The following SCYL2 variants were observed in gnomAD, a reference collection of about 807,000 sequenced individuals.
The protein encoded by SCYL2 is SCY1-like protein 2.
SCYL2 carries 36 observed loss-of-function variants against 100.4 expected under a neutral mutation model. The ratio of observed to expected loss-of-function variants is 0.36; its 90% CI spans 0.27 to 0.47. The LOEUF is 0.47. Among genes scored for constraint, SCYL2 ranks in the 20% least tolerant of loss-of-function variants. The pLI is 1.00. For missense variants in SCYL2, 902 were observed against 1,083.9 expected, an observed-to-expected ratio of 0.83 and a Z score of 2.36; for synonymous variants, 330 against 359.2, an observed-to-expected ratio of 0.92 and a Z score of 0.92.
rs1423916903 is a variant in SCYL2 at position 100,340,788 on chromosome 12, T to C, written c.*1616T>C. On this transcript the variant is annotated 3_prime_UTR_variant, in exon 18 of 18. Transcript: ENST00000360820. ...AGGACTAACAGAATTGCTAAAGAAA[T>C]GCATCCAATAAATGAAAAACAGTAG... The C allele has an allele frequency of 2.0e-5, 3 of 152,076 alleles. No individual in the cohort carries two copies. Among genetic ancestry groups the C allele is most frequent in the Admixed American group, 6.5e-5 (1 of 15,270 alleles). The allele number at this position is 152,076 out of a possible 1,614,324, so 9.4% of individuals were successfully genotyped here.
chr12:100,298,640 C>T (rs1451251896), intron 4 of SCYL2, among the ~76,000 whole-genome samples: 1 of 152,176 alleles, frequency 6.6e-6, no homozygotes. Context: ...ACCTCCACCT[C>T]CCTGCAACCT....
chr12:100,298,002 A>G (rs746487384), intron 3 of SCYL2, 29 bp from the exon 4 acceptor site: 4 of 1,554,090 alleles, frequency 2.6e-6, no homozygotes, highest in Non-Finnish European at 3.5e-6. Context: ...ATAATATGAT[A>G]GTAAATAACT....
rs199548769 is a variant in SCYL2 at position 100,326,626 on chromosome 12, G to A, written c.1514G>A (p.Arg505His). 3.9e-5 allele frequency: 62 copies of A among 1,589,030 alleles called. No individual in the cohort carries two copies. Among genetic ancestry groups the A allele is most frequent in the Middle Eastern group, 2.1e-4 (1 of 4,764 alleles). Residue 505 changes from arginine to histidine, a missense_variant, in exon 12 of 18, where the codon CGT becomes CAT. Arg to His is a conservative substitution (Grantham distance 29, BLOSUM62 0). Coordinates refer to ENST00000360820, the MANE Select transcript of SCYL2 (RefSeq NM_017988.6). Reference sequence around the variant, plus strand: ...GCAATTTACCTCTTTTAATAGGTTCGTGTAAATTCATTAGTGTGCTTAGGA... The same window carrying A: ...GCAATTTACCTCTTTTAATAGGTTCATGTAAATTCATTAGTGTGCTTAGGA... ...ACLQTSSLAVRVNSLVCLGKI... is the reference protein window; with the variant it reads ...ACLQTSSLAVHVNSLVCLGKI...
chr12:100,337,610 T>G (rs755945339), intron 17 of SCYL2, 104 bp downstream of exon 17: 25 of 1,079,436 alleles, frequency 2.3e-5, no homozygotes, highest in Non-Finnish European at 3.2e-5. Context: ...ATATCTCAAA[T>G]AATACCTTAA....
chr12:100,337,646 A>G, intron 17 of SCYL2, 140 bp downstream of exon 17: 2 of 835,148 alleles, frequency 2.4e-6, no homozygotes, highest in Non-Finnish European at 3.7e-6. Flanking sequence ...AAGTATGGGC[A>G]TAAATGATTT....
chr12:100,299,561 G>T (rs1012065417), intron 4 of SCYL2, among the ~76,000 whole-genome samples: 3 of 152,048 alleles, frequency 2.0e-5, no homozygotes, highest in African/African-American at 7.3e-5. Context: ...TCACTGACCT[G>T]CTTTCTATCA....
At chr12:100,290,668 A>G (rs2096309557) in intron 2 of SCYL2, among the ~76,000 whole-genome samples, 2 of 152,226 alleles carry the variant, frequency 1.3e-5, no homozygotes, top group Admixed American at 1.3e-4. Context: ...TCAAAGACAT[A>G]GAAATTCTGA....
intron 1 of SCYL2, among the ~76,000 whole-genome samples, chr12:100,277,298 C>G (rs1024454660): frequency 6.6e-6 from 1 of 152,192 alleles, no homozygotes; most frequent in African/African-American, 2.4e-5. Context: ...GTTGAAGTCT[C>G]TGTCCTTACT....
At chr12:100,290,579 GA>G (rs1286175546) in intron 2 of SCYL2, among the ~76,000 whole-genome samples, 4 of 151,972 alleles carry the variant, frequency 2.6e-5, no homozygotes, top group Admixed American at 2.0e-4. Context: ...AATTAGAAGA[GA>G]AAAAAATGAG....
At chr12:100,310,441 A>G (rs887211705) in intron 4 of SCYL2, among the ~76,000 whole-genome samples, 10 of 152,192 alleles carry the variant, frequency 6.6e-5, no homozygotes, top group African/African-American at 2.4e-4. Context: ...CTTCTTTGGA[A>G]TGTATGTTCA....
At chr12:100,301,272 T>G (rs1000810377) in intron 4 of SCYL2, among the ~76,000 whole-genome samples, 1 of 152,242 alleles carries the variant, frequency 6.6e-6, no homozygotes, top group Non-Finnish European at 1.5e-5. Flanking sequence ...CCTTTTCTTA[T>G]GCCTGTTTGC....
chr12:100,294,064 G>GC (rs2096313917), intron 3 of SCYL2, among the ~76,000 whole-genome samples: 1 of 148,844 alleles, frequency 6.7e-6, no homozygotes, highest in African/African-American at 2.5e-5. Flanking sequence ...AGACGGGGTG[G>GC]TGGCCGGGCA....
chr12:100,310,817 A>T (rs1207109749), intron 4 of SCYL2, among the ~76,000 whole-genome samples: 2 of 152,198 alleles, frequency 1.3e-5, no homozygotes, highest in Admixed American at 6.5e-5. Context: ...AACTTAATAA[A>T]TAGGTGTACT....
At chr12:100,273,268 A>G (rs1463442727) in intron 1 of SCYL2, among the ~76,000 whole-genome samples, 2 of 152,038 alleles carry the variant, frequency 1.3e-5, no homozygotes, top group Non-Finnish European at 2.9e-5. Context: ...TTTTACTCCT[A>G]CAATTCTCCT....
chr12:100,331,887 A>G (rs978531194), intron 13 of SCYL2, among the ~76,000 whole-genome samples: 1 of 152,180 alleles, frequency 6.6e-6, no homozygotes, highest in African/African-American at 2.4e-5. Context: ...TCAGCATTTG[A>G]ATAAAAAACA....
intron 1 of SCYL2, among the ~76,000 whole-genome samples, chr12:100,273,775 C>T (rs912420314): frequency 6.6e-6 from 1 of 152,154 alleles, no homozygotes; most frequent in African/African-American, 2.4e-5. Flanking sequence ...TTAATATTTC[C>T]ATAGCATGTA....
At chr12:100,303,798 TC>T (rs1358335775) in intron 4 of SCYL2, among the ~76,000 whole-genome samples, 1 of 152,150 alleles carries the variant, frequency 6.6e-6, no homozygotes, top group Non-Finnish European at 1.5e-5. Flanking sequence ...TGCTGGGAGA[TC>T]CGCTGCTCTC....
At chr12:100,316,939 A>C (rs2096349515) in intron 9 of SCYL2, among the ~76,000 whole-genome samples, 1 of 152,040 alleles carries the variant, frequency 6.6e-6, no homozygotes, top group African/African-American at 2.4e-5. Context: ...CTGTCTCTTC[A>C]AACAAATACA....
At chr12:100,334,037 G>A (rs923991250) in intron 13 of SCYL2, 129 bp from the exon 14 acceptor site, 8 of 582,154 alleles carry the variant, frequency 1.4e-5, no homozygotes, top group South Asian at 2.1e-5. Flanking sequence ...GAATATCAGC[G>A]CTGTGACTGG....
Sources: allele counts gnomAD v4.1 joint callset (sites outside exome capture counted in the v4.1 genomes callset), GRCh38; gene constraint gnomAD v4.1.1; transcripts MANE v1.5; gene names NCBI Gene and HGNC (gene_info 2026-07-23, HGNC 2026-07-21).